Variants in COX6B1 observed in about 807,000 individuals in gnomAD.
COX6B1 encodes COX VIb-1.
A neutral mutation model predicts 14.0 loss-of-function variants in COX6B1; 2 were observed. The ratio of observed to expected loss-of-function variants is 0.14; its 90% CI spans 0.06 to 0.45. The LOEUF (loss-of-function observed/expected upper bound fraction) is 0.45. COX6B1 is among the 20% of genes least tolerant of loss of function. The pLI, the probability that COX6B1 is intolerant of heterozygous loss-of-function variation, is 0.98. For missense variants in COX6B1, 81 were observed against 114.2 expected, an observed-to-expected ratio of 0.71 and a Z score of 1.33; for synonymous variants, 30 against 39.7, an observed-to-expected ratio of 0.76 and a Z score of 0.92.
In COX6B1 at chr19:35,649,124, T is replaced by A. The variant is rs8104154; in HGVS notation, c.-12+721T>A. On this transcript the variant is annotated intron_variant, in intron 1 of 3. Transcript: ENST00000649813. ...CAGGCTCCCGACGAACACTGTCACT[T>A]CTTCAGAGACATTATATTAAAGGTG... Among the ~76,000 whole-genome samples, 1,273 of 152,248 alleles carry A rather than the reference T, an allele frequency of 8.4e-3. 18 individuals are homozygous for A. The highest frequency in any genetic ancestry group is 0.029 in the African/African-American group (1,193 of 41,526).
intron 3 of COX6B1, among the ~76,000 whole-genome samples, chr19:35,654,953 T>C (rs1027340250): frequency 6.6e-6 from 1 of 151,942 alleles, no homozygotes; most frequent in Non-Finnish European, 1.5e-5. Flanking sequence ...TGGGCTCCCA[T>C]CCCTGTGTAG....
intron 3 of COX6B1, among the ~76,000 whole-genome samples, chr19:35,656,443 G>C (rs41361648): frequency 1.3e-5 from 2 of 150,952 alleles, no homozygotes. Context: ...GGCACATACC[G>C]CTGGCACTTA....
chr19:35,649,147 G>T (rs2033410976), intron 1 of COX6B1, among the ~76,000 whole-genome samples: 1 of 152,072 alleles, frequency 6.6e-6, no homozygotes, highest in Admixed American at 6.6e-5. Flanking sequence ...TATATTAAAG[G>T]TGTTTAACCC....
intron 1 of COX6B1, among the ~76,000 whole-genome samples, chr19:35,649,296 A>G (rs951962680): frequency 2.6e-5 from 4 of 152,010 alleles, no homozygotes; most frequent in African/African-American, 9.7e-5. Context: ...TTTGTTAGCA[A>G]TGAAAATCAT....
At chr19:35,649,435 T>C (rs1215766132) in intron 1 of COX6B1, among the ~76,000 whole-genome samples, 1 of 151,860 alleles carries the variant, frequency 6.6e-6, no homozygotes, top group Admixed American at 6.6e-5. Context: ...CCTGCCTCAG[T>C]AGCTGGGACC....
chr19:35,653,784 G>C (rs1469715100), intron 2 of COX6B1, among the ~76,000 whole-genome samples: 1 of 151,514 alleles, frequency 6.6e-6, no homozygotes, highest in Non-Finnish European at 1.5e-5. Context: ...GTTTCACCGT[G>C]GTCTCTATCT....
At chr19:35,655,969 G>A (rs1967885107) in intron 3 of COX6B1, among the ~76,000 whole-genome samples, 2 of 152,030 alleles carry the variant, frequency 1.3e-5, no homozygotes, top group Non-Finnish European at 2.9e-5. Context: ...GGGACTACAG[G>A]CATGAGCCAC....
chr19:35,655,277 C>G (rs1294450388), intron 3 of COX6B1, among the ~76,000 whole-genome samples: 15 of 152,140 alleles, frequency 9.9e-5, no homozygotes, highest in Non-Finnish European at 1.5e-5. Flanking sequence ...GTCCACCTGC[C>G]TCGGCCTCCC....
chr19:35,653,093 G>A (rs975590519), intron 2 of COX6B1, among the ~76,000 whole-genome samples: 2 of 148,128 alleles, frequency 1.4e-5, no homozygotes, highest in Non-Finnish European at 3.0e-5. Flanking sequence ...TCAGCCTGCC[G>A]AGTAGCTGGG....
chr19:35,657,149 TA>T (rs752721801), intron 3 of COX6B1, among the ~76,000 whole-genome samples: 116 of 152,038 alleles, frequency 7.6e-4, no homozygotes, highest in Non-Finnish European at 1.5e-3. Context: ...AAAATAATTA[TA>T]CAACTCACCA....
At chr19:35,651,064 T>A (rs550965916) in intron 1 of COX6B1, among the ~76,000 whole-genome samples, 169 bp from the exon 2 acceptor site, 2 of 152,268 alleles carry the variant, frequency 1.3e-5, no homozygotes, top group East Asian at 3.9e-4. Context: ...ACCTCGACAC[T>A]CAGATGTGTG....
chr19:35,653,885 A>G (rs1473021606), intron 2 of COX6B1, among the ~76,000 whole-genome samples: 1 of 150,872 alleles, frequency 6.6e-6, no homozygotes, highest in Admixed American at 6.6e-5. Flanking sequence ...TGTATTTTTA[A>G]TAGAGACAGG....
chr19:35,657,270 A>T (rs1967897335), intron 3 of COX6B1, among the ~76,000 whole-genome samples: 1 of 151,662 alleles, frequency 6.6e-6, no homozygotes, highest in Non-Finnish European at 1.5e-5. Context: ...TCTCATAAGG[A>T]TCATGCAGCC....
chr19:35,650,006 T>G lies in COX6B1; in HGVS notation c.-11-1227T>G, dbSNP rs562107575. ...CATTCATGATTACTTCAAAATTGTA[T>G]TTTTTTTTTTTTTTGAGACAGTGTT... On this transcript the variant is annotated intron_variant, in intron 1 of 3. Transcript: ENST00000649813. 4.6e-5 allele frequency among the ~76,000 whole-genome samples: 4 copies of G among 86,546 alleles called. No individual in the cohort carries two copies. In the South Asian group the frequency reaches 1.1e-3, roughly 24 times the overall value. The allele number at this position is 86,546 out of a possible 152,430, so 56.8% of individuals were successfully genotyped here.
chr19:35,654,507 C>CAAA, intron 2 of COX6B1, 64 bp from the exon 3 acceptor site: 35 of 1,310,592 alleles, frequency 2.7e-5, no homozygotes, highest in Non-Finnish European at 3.3e-5. Flanking sequence ...GACCCTACCT[C>CAAA]AAAAAAAAAA....
chr19:35,655,251 A>G (rs1297703422), intron 3 of COX6B1, among the ~76,000 whole-genome samples: 4 of 151,912 alleles, frequency 2.6e-5, no homozygotes, highest in Admixed American at 2.0e-4. Context: ...GATAGTCTCA[A>G]TCTCCTGACT....
intron 2 of COX6B1, among the ~76,000 whole-genome samples, chr19:35,653,498 T>C (rs961399737): frequency 6.6e-6 from 1 of 150,998 alleles, no homozygotes; most frequent in African/African-American, 2.4e-5. Flanking sequence ...GGTCTCGATC[T>C]CCTGACCTCA....
intron 1 of COX6B1, chr19:35,648,801 A>T: frequency 3.8e-6 from 2 of 530,606 alleles, no homozygotes; most frequent in Non-Finnish European, 7.7e-6. Flanking sequence ...CCTGGGCCGC[A>T]GCCTGGCTCC....
At chr19:35,654,070 AT>A in intron 2 of COX6B1, among the ~76,000 whole-genome samples, 1 of 152,070 alleles carries the variant, frequency 6.6e-6, no homozygotes, top group Non-Finnish European at 1.5e-5. Flanking sequence ...TTGTGTTTGG[AT>A]TTTTTCATTC....
Sources: gnomAD v4.1 joint callset for allele counts (sites outside exome capture counted in the v4.1 genomes callset) on GRCh38, gnomAD v4.1.1 for gene constraint, MANE v1.5 for transcripts, NCBI Gene and HGNC (gene_info 2026-07-23, HGNC 2026-07-21) for gene names.